The following SOX6 variants were observed in gnomAD, a reference collection of about 807,000 sequenced individuals.
SOX6 encodes SRY-box transcription factor 6.
In SOX6, 11 loss-of-function variants were observed where a neutral mutation model predicts 97.8. That is an observed-to-expected ratio of 0.11 (90% CI 0.07 to 0.19). The LOEUF is 0.19. Among genes scored for constraint, SOX6 ranks in the 10% least tolerant of loss-of-function variants. SOX6 has a pLI of 1.00. For missense variants in SOX6, 810 were observed against 1,039.5 expected (o/e 0.78, Z 3.04); for synonymous variants, 360 against 371.4 (o/e 0.97, Z 0.35).
At chr11:16,278,404 T>A (rs531446792) in intron 3 of SOX6, among the ~76,000 whole-genome samples, 10 of 152,238 alleles carry the variant, frequency 6.6e-5, no homozygotes, top group African/African-American at 2.4e-4. Context: ...TTATGACCTA[T>A]GGTACAAACA....
chr11:16,334,861 C>T (rs952726979), intron 2 of SOX6, among the ~76,000 whole-genome samples: 4 of 152,136 alleles, frequency 2.6e-5, no homozygotes, highest in South Asian at 2.1e-4. Flanking sequence ...CCATAAACAT[C>T]GAGACACTTC....
At chr11:16,123,091 A>G (rs1372092585) in intron 6 of SOX6, among the ~76,000 whole-genome samples, 1 of 152,082 alleles carries the variant, frequency 6.6e-6, no homozygotes, top group Non-Finnish European at 1.5e-5. Flanking sequence ...CCTCTATAGT[A>G]TCATTTAGAG....
intron 4 of SOX6, among the ~76,000 whole-genome samples, chr11:16,574,605 A>T (rs4359170): frequency 0.41 from 61,836 of 151,870 alleles, 13,609 homozygotes; most frequent in African/African-American, 0.57. Flanking sequence ...CAATAACTAT[A>T]CAACAATATT....
At chr11:16,354,750 G>T (rs892172457) in intron 1 of SOX6, among the ~76,000 whole-genome samples, 3 of 152,086 alleles carry the variant, frequency 2.0e-5, no homozygotes, top group Non-Finnish European at 4.4e-5. Context: ...TACTAAAATT[G>T]CTACCAGAGC....
At chr11:16,249,520 T>C (rs571547878) in intron 3 of SOX6, among the ~76,000 whole-genome samples, 2 of 152,308 alleles carry the variant, frequency 1.3e-5, no homozygotes, top group East Asian at 3.9e-4. Context: ...TTTCCACATC[T>C]TCCTATCTTC....
At chr11:16,493,468 T>C (rs1347081047) in intron 4 of SOX6, among the ~76,000 whole-genome samples, 1 of 152,150 alleles carries the variant, frequency 6.6e-6, no homozygotes, top group Non-Finnish European at 1.5e-5. Context: ...AAGGTAATGA[T>C]GTTTTTTCCC....
intron 12 of SOX6, among the ~76,000 whole-genome samples, chr11:16,029,922 T>G (rs1216545441): frequency 1.3e-5 from 2 of 152,268 alleles, no homozygotes; most frequent in South Asian, 4.1e-4. Context: ...GTGTATAACC[T>G]AGGAAAGGAG....
At chr11:16,292,679 T>C (rs568987031) in intron 3 of SOX6, among the ~76,000 whole-genome samples, 1 of 152,282 alleles carries the variant, frequency 6.6e-6, no homozygotes, top group Non-Finnish European at 1.5e-5. Context: ...AGCATGATTA[T>C]ACCCCGACGG....
chr11:16,102,151 C>T (rs1473576772), intron 7 of SOX6, among the ~76,000 whole-genome samples: 1 of 151,830 alleles, frequency 6.6e-6, no homozygotes, highest in African/African-American at 2.4e-5. Flanking sequence ...ATCCAAAAAG[C>T]TCCTAGAACT....
intron 3 of SOX6, among the ~76,000 whole-genome samples, chr11:16,268,412 C>G (rs1263208752): frequency 6.6e-6 from 1 of 151,012 alleles, no homozygotes; most frequent in Admixed American, 6.6e-5. Context: ...ATATAAATAT[C>G]AAAGTAGAGT....
At chr11:16,435,024 T>C (rs910424683) in intron 1 of SOX6, among the ~76,000 whole-genome samples, 4 of 152,130 alleles carry the variant, frequency 2.6e-5, no homozygotes, top group African/African-American at 9.7e-5. Context: ...TAAATAATAG[T>C]ATTCACCACA....
chr11:16,352,466 C>T (rs974510697), intron 1 of SOX6, among the ~76,000 whole-genome samples: 1 of 152,010 alleles, frequency 6.6e-6, no homozygotes, highest in African/African-American at 2.4e-5. Flanking sequence ...TCCCTGTTTA[C>T]TGATAAGAAA....
chr11:16,368,497 A>C (rs1379312243), intron 1 of SOX6, among the ~76,000 whole-genome samples: 2 of 152,194 alleles, frequency 1.3e-5, no homozygotes, highest in African/African-American at 4.8e-5. Context: ...TCATAATAAT[A>C]ATAAAAGAAT....
chr11:16,027,500 A>G (rs1016721878), intron 12 of SOX6, among the ~76,000 whole-genome samples: 4 of 152,216 alleles, frequency 2.6e-5, no homozygotes, highest in Non-Finnish European at 5.9e-5. Context: ...ACACGGGACA[A>G]GAGCCTGCTT....
intron 7 of SOX6, chr11:16,110,355 G>A (rs1342080278): frequency 6.7e-6 from 1 of 150,270 alleles, no homozygotes; most frequent in African/African-American, 2.5e-5. Context: ...TGAAGAAGTA[G>A]TTTAGAATGA....
chr11:16,261,950 G>GA (rs1317791417), intron 3 of SOX6, among the ~76,000 whole-genome samples: 2 of 151,896 alleles, frequency 1.3e-5, no homozygotes, highest in Non-Finnish European at 2.9e-5. Context: ...GGGGGGAATA[G>GA]AAAAAATGAA....
rs528945242 is a variant in SOX6 at position 16,590,776 on chromosome 11, A to G, written n.609+21305T>C. Among the ~76,000 whole-genome samples the G allele has an allele frequency of 8.5e-5, 13 of 152,254 alleles. 1 individual carries two copies. The South Asian group carries it at 2.5e-3, about 29-fold the overall frequency. On this transcript the variant is annotated intron_variant and non_coding_transcript_variant, in intron 4 of 5. Transcript: ENST00000524520. ...AAAACAATTGAACTCATGGAGACAG[A>G]GAGTAGAATGATGGTTACCAGAGGC...
intron 1 of SOX6, among the ~76,000 whole-genome samples, chr11:16,342,590 G>A (rs559599470): frequency 1.3e-5 from 2 of 151,862 alleles, no homozygotes; most frequent in Non-Finnish European, 2.9e-5. Flanking sequence ...TCTGTCACAC[G>A]CTTTCATGAA....
At chr11:16,150,383 T>C (rs1397827040) in intron 6 of SOX6, among the ~76,000 whole-genome samples, 1 of 152,158 alleles carries the variant, frequency 6.6e-6, no homozygotes, top group Non-Finnish European at 1.5e-5. Flanking sequence ...ATGAGACTAC[T>C]TCACAGAAGC....
Sources: gnomAD v4.1 joint callset for allele counts (sites outside exome capture counted in the v4.1 genomes callset) on GRCh38, gnomAD v4.1.1 for gene constraint, MANE v1.5 for transcripts, NCBI Gene and HGNC (gene_info 2026-07-23, HGNC 2026-07-21) for gene names.